Variants in CCT4 observed in about 807,000 individuals in gnomAD.
The protein encoded by CCT4 is chaperonin containing TCP1 subunit 4.
CCT4 carries 17 observed loss-of-function variants against 62.5 expected under a neutral mutation model. That is an observed-to-expected ratio of 0.27 (90% CI 0.19 to 0.41). The LOEUF (loss-of-function observed/expected upper bound fraction) is 0.41, where lower values mean the gene tolerates loss of function less well. Among genes scored for constraint, CCT4 ranks in the 10% least tolerant of loss-of-function variants. The pLI is 1.00. For missense variants in CCT4, 592 were observed against 659.2 expected, an observed-to-expected ratio of 0.90 and a Z score of 1.12; for synonymous variants, 250 against 229.9, an observed-to-expected ratio of 1.09 and a Z score of -0.79.
intron 12 of CCT4, among the ~76,000 whole-genome samples, chr2:61,869,873 C>T (rs1387560330): frequency 1.3e-5 from 2 of 150,276 alleles, no homozygotes; most frequent in Non-Finnish European, 3.0e-5. Flanking sequence ...ATCTCATGAT[C>T]TGCCCGCCTT....
At chr2:61,883,939 C>T (rs1385959246) in intron 2 of CCT4, among the ~76,000 whole-genome samples, 2 of 152,210 alleles carry the variant, frequency 1.3e-5, no homozygotes, top group African/African-American at 4.8e-5. Context: ...ACAATTCTTA[C>T]AGTCAACACA....
intron 1 of CCT4, among the ~76,000 whole-genome samples, chr2:61,886,883 C>A (rs1192457352): frequency 6.6e-6 from 1 of 152,098 alleles, no homozygotes; most frequent in African/African-American, 2.4e-5. Flanking sequence ...CCTCAGCCTC[C>A]CGAGTAGCTG....
intron 8 of CCT4, among the ~76,000 whole-genome samples, chr2:61,875,432 T>C (rs1370281318): frequency 2.0e-5 from 3 of 151,296 alleles, no homozygotes; most frequent in Non-Finnish European, 4.4e-5. Flanking sequence ...TACAAAAAAT[T>C]AGCCAGGTGT....
At chr2:61,872,416 T>A (rs1668902818) in intron 11 of CCT4, 42 bp downstream of exon 11, 6 of 1,521,062 alleles carry the variant, frequency 3.9e-6, no homozygotes, top group South Asian at 1.2e-5. Context: ...ATAATAGTTT[T>A]AATGTTCAAA....
At chr2:61,876,031 A>T (rs1668992966) in intron 8 of CCT4, 64 bp downstream of exon 8, 1 of 1,034,756 alleles carries the variant, frequency 9.7e-7, no homozygotes, top group South Asian at 1.7e-5. Flanking sequence ...TATCAGAAAA[A>T]ATAAACTGCT....
rs373188375 is a variant in CCT4 at position 61,883,483 on chromosome 2, T to C, written c.246A>G (p.Gln82=). ...NDGATILKQM[Q]VLHPAARMLV... ...CCATTCTGGCTGCTGGATGTAATAC[T>C]TGCATTTGTTTCAGAATGGTAGCAC... Residue 82 remains glutamine, a synonymous_variant, in exon 3 of 14, where the codon CAA becomes CAG. Transcript: ENST00000394440. 1.1e-5 allele frequency: 18 copies of C among 1,587,052 alleles called. No homozygotes were observed. Among genetic ancestry groups the C allele is most frequent in the Admixed American group, 6.8e-5 (4 of 59,052 alleles).
intron 4 of CCT4, among the ~76,000 whole-genome samples, chr2:61,879,747 C>CTT (rs543427076): frequency 1.4e-5 from 2 of 144,552 alleles, no homozygotes; most frequent in Non-Finnish European, 3.0e-5. Flanking sequence ...CCACTCATTT[C>CTT]TTTTTTTTTT....
In CCT4 at chr2:61,888,551, G is replaced by A. The variant is rs930619000; in HGVS notation, c.-44C>T. Reference sequence around the variant, plus strand: ...TGGGTTGGCTCGGGAAGGACGGATGGACCCGGATTCTGGCCGGCCGCAGTG... The same window carrying A: ...TGGGTTGGCTCGGGAAGGACGGATGAACCCGGATTCTGGCCGGCCGCAGTG... On this transcript the variant is annotated 5_prime_UTR_variant, in exon 1 of 14. Coordinates refer to ENST00000394440, the MANE Select transcript of CCT4 (RefSeq NM_006430.4). 2 of 1,593,674 alleles carry A rather than the reference G, an allele frequency of 1.3e-6. No individual in the cohort carries two copies. The highest frequency in any genetic ancestry group is 1.7e-6 in the Non-Finnish European group (2 of 1,170,052).
At chr2:61,884,638 T>A (rs1438968172) in intron 2 of CCT4, among the ~76,000 whole-genome samples, 1 of 151,800 alleles carries the variant, frequency 6.6e-6, no homozygotes, top group East Asian at 1.9e-4. Context: ...TTTATTTATT[T>A]TTTTTTTGAG....
chr2:61,870,292 C>CAA (rs1668856737), intron 12 of CCT4, among the ~76,000 whole-genome samples: 1 of 151,990 alleles, frequency 6.6e-6, no homozygotes, highest in Non-Finnish European at 1.5e-5. Flanking sequence ...CAAAACAAAA[C>CAA]AAAATATTAT....
chr2:61,885,110 A>AC, intron 1 of CCT4, 38 bp from the exon 2 acceptor site: 1 of 1,455,512 alleles, frequency 6.9e-7, no homozygotes, highest in Non-Finnish European at 9.0e-7. Context: ...ACAAATTAGA[A>AC]CTTTTTTTTT....
chr2:61,884,973 T>C (rs1488003697), intron 2 of CCT4, 47 bp downstream of exon 2: 9 of 1,447,290 alleles, frequency 6.2e-6, no homozygotes, highest in African/African-American at 1.4e-5. Context: ...TCTTGTAGTG[T>C]GAACAGCAGT....
At chr2:61,872,684 T>C in intron 10 of CCT4, 96 bp from the exon 11 acceptor site, 3 of 1,270,994 alleles carry the variant, frequency 2.4e-6, no homozygotes, top group South Asian at 2.7e-5. Context: ...ACCCAACACT[T>C]TGGGAGGATG....
intron 1 of CCT4, among the ~76,000 whole-genome samples, chr2:61,886,279 G>A (rs547417503): frequency 2.6e-5 from 4 of 152,166 alleles, no homozygotes; most frequent in Non-Finnish European, 4.4e-5. Flanking sequence ...GTGGCGGTGC[G>A]CATCTGTAGT....
At position 61,873,497 on chromosome 2, in the gene CCT4, ACT is replaced by A. The variant is rs370736566; in HGVS notation, c.918-206_918-205del. Among the ~76,000 whole-genome samples, 39 of 152,302 alleles carry A rather than the reference ACT, an allele frequency of 2.6e-4. No homozygotes were observed. The East Asian group carries it at 4.0e-3, about 16-fold the overall frequency. On this transcript the variant is annotated intron_variant, in intron 8 of 13. Transcript: ENST00000394440. ...TAGTACAATTCCAGTATTAAAATGT[ACT>A]CTGTCCCCAATGACACTATAAAACA...
At chr2:61,876,348 AATAAATT>A in intron 7 of CCT4, 114 bp from the exon 8 acceptor site, 1 of 691,848 alleles carries the variant, frequency 1.4e-6, no homozygotes, top group Non-Finnish European at 2.3e-6. Flanking sequence ...TATATCAAGT[AATAAATT>A]ATATAGACAT....
rs1056843830 is a variant in CCT4 at position 61,888,620 on chromosome 2, G to C, written c.-113C>G. ...ACTGCCTTCACGAACCTTCCAGAAA[G>C]CGGCGCCGGCGTCGGGAGGAGGCGG... is the stretch of plus-strand genomic sequence containing the variant. On this transcript the variant is annotated 5_prime_UTR_variant, in exon 1 of 14. Coordinates refer to ENST00000394440, the MANE Select transcript of CCT4 (RefSeq NM_006430.4). The C allele has an allele frequency of 1.5e-6, 2 of 1,299,470 alleles. No individual in the cohort carries two copies. The highest frequency in any genetic ancestry group is 1.5e-5 in the African/African-American group (1 of 66,378). The allele number at this position is 1,299,470 out of a possible 1,614,324, so 80.5% of individuals were successfully genotyped here.
Position 61,882,809 on chromosome 2 carries a change from C to CT in CCT4, c.270+649dup, listed in dbSNP as rs35514799. Among the ~76,000 whole-genome samples, 1,349 of 146,288 alleles carry CT rather than the reference C, an allele frequency of 9.2e-3. 12 individuals carry two copies. The highest frequency in any genetic ancestry group is 0.027 in the African/African-American group (1,064 of 39,876). On this transcript the variant is annotated intron_variant, in intron 3 of 13. Coordinates refer to ENST00000394440, the MANE Select transcript of CCT4 (RefSeq NM_006430.4). The stretch of plus-strand genomic sequence containing the variant: ...TACAGGTGTGAGCCACTGTGCCCAG[C>CT]TTTTTTTTTTTTTTCTGGGGTTTCA...
intron 1 of CCT4, among the ~76,000 whole-genome samples, chr2:61,885,477 C>T (rs953069779): frequency 6.6e-6 from 1 of 152,162 alleles, no homozygotes; most frequent in Non-Finnish European, 1.5e-5. Context: ...GTGAGGCAAT[C>T]TCGGCTCACT....
Sources: gnomAD v4.1 joint callset for allele counts (sites outside exome capture counted in the v4.1 genomes callset) on GRCh38, gnomAD v4.1.1 for gene constraint, MANE v1.5 for transcripts, NCBI Gene and HGNC (gene_info 2026-07-23, HGNC 2026-07-21) for gene names.